EVL: variants seen among roughly 807,000 people sequenced by gnomAD.
The protein encoded by EVL is ena/VASP-like protein.
A neutral mutation model predicts 59.6 loss-of-function variants in EVL; 21 were observed. The ratio of observed to expected loss-of-function variants is 0.35; its 90% CI spans 0.25 to 0.51. The LOEUF (loss-of-function observed/expected upper bound fraction) is 0.51. Ranked by LOEUF, EVL falls within the 20% of genes least tolerant of loss-of-function variation. EVL has a pLI of 0.97. For missense variants in EVL, 462 were observed against 546.6 expected (o/e 0.85, Z 1.54); for synonymous variants, 198 against 203.5 (o/e 0.97, Z 0.23).
intron 1 of EVL, among the ~76,000 whole-genome samples, chr14:100,001,827 A>G (rs1258711703): frequency 6.6e-6 from 1 of 152,244 alleles, no homozygotes; most frequent in Non-Finnish European, 1.5e-5. Context: ...CTGTAAGTTA[A>G]GTTTGATTCC....
At chr14:99,979,258 C>T (rs1158920421) in intron 1 of EVL, among the ~76,000 whole-genome samples, 1 of 151,870 alleles carries the variant, frequency 6.6e-6, no homozygotes, top group Non-Finnish European at 1.5e-5. Context: ...CAAAAAAACC[C>T]ACCCACATAT....
chr14:100,006,148 A>G (rs1056954866), intron 1 of EVL, among the ~76,000 whole-genome samples: 1 of 152,144 alleles, frequency 6.6e-6, no homozygotes, highest in African/African-American at 2.4e-5. Context: ...ATGAAACCCA[A>G]TGGGAAAAAG....
intron 1 of EVL, among the ~76,000 whole-genome samples, chr14:100,030,046 G>A (rs2061285673): frequency 6.6e-6 from 1 of 151,828 alleles, no homozygotes; most frequent in East Asian, 1.9e-4. Flanking sequence ...TGTAAAATGG[G>A]ACTATTACCA....
At chr14:100,126,575 C>A in intron 4 of EVL, 132 bp from the exon 5 acceptor site, 2 of 869,274 alleles carry the variant, frequency 2.3e-6, no homozygotes, top group Non-Finnish European at 1.8e-6. Context: ...GCAGCCGTGG[C>A]ACACAGTGGC....
At chr14:100,097,736 C>G in intron 3 of EVL, 78 bp downstream of exon 3, 1 of 1,392,910 alleles carries the variant, frequency 7.2e-7, no homozygotes, top group Non-Finnish European at 9.8e-7. Flanking sequence ...TCTGGCTCTC[C>G]GGGTATCCTA....
intron 1 of EVL, among the ~76,000 whole-genome samples, chr14:100,049,167 T>C (rs2061605832): frequency 3.3e-5 from 5 of 152,248 alleles, no homozygotes; most frequent in African/African-American, 1.2e-4. Context: ...TTTATTTGAT[T>C]TGTAATTAAC....
Position 100,123,459 on chromosome 14 carries a change from GAGAT to G in EVL, c.359-76_359-73del, listed in dbSNP as rs1887826336. On this transcript the variant is annotated intron_variant, in intron 3 of 13. Coordinates refer to ENST00000392920, the MANE Select transcript of EVL (RefSeq NM_016337.3). ...CTCTTCTGCAGCCAGAAGGTGGGCAGAGATAGAGAGCACTCCAGTTGGGTTTGCT... is the reference window on the plus strand; with the variant it reads ...CTCTTCTGCAGCCAGAAGGTGGGCAGAGAGAGCACTCCAGTTGGGTTTGCT... 2.8e-6 allele frequency: 4 copies of G among 1,428,636 alleles called. No individual in the cohort carries two copies. The South Asian group carries it at 4.8e-5, about 17-fold the overall frequency. 88.5% of individuals were successfully genotyped at this position (1,428,636 alleles called of 1,614,324 possible). A position where few individuals can be genotyped will look rare whatever the true frequency, so the allele number is the denominator to read the frequency against.
Position 100,130,325 on chromosome 14 carries a change from G to T in EVL, c.839+641G>T, listed in dbSNP as rs1159138396. ...TGAAACCCGAGCAGATGGGGAGATCGTCCAGGTCTTTCTCAAAAGGGATGC... is the reference window on the plus strand; with the variant it reads ...TGAAACCCGAGCAGATGGGGAGATCTTCCAGGTCTTTCTCAAAAGGGATGC... On this transcript the variant is annotated intron_variant, in intron 7 of 13. Coordinates refer to ENST00000392920, the MANE Select transcript of EVL (RefSeq NM_016337.3). The surrounding 1 kb of genome is among the most constrained non-coding windows in gnomAD (Gnocchi z 4.8). Among the ~76,000 whole-genome samples, 2 of 152,222 alleles carry T rather than the reference G, an allele frequency of 1.3e-5. No individual in the cohort carries two copies. Among genetic ancestry groups the T allele is most frequent in the Non-Finnish European group, 2.9e-5 (2 of 68,042 alleles).
chr14:100,043,792 T>G (rs1326565107), intron 1 of EVL, among the ~76,000 whole-genome samples: 1 of 151,838 alleles, frequency 6.6e-6, no homozygotes, highest in Non-Finnish European at 1.5e-5. Context: ...TTTAAATTTT[T>G]TTGTAAAGAT....
At chr14:100,091,126 C>A (rs974181827) in intron 2 of EVL, among the ~76,000 whole-genome samples, 1 of 152,136 alleles carries the variant, frequency 6.6e-6, no homozygotes, top group African/African-American at 2.4e-5. Flanking sequence ...ATTAGAATGT[C>A]GGCGTGCTGC....
chr14:100,026,111 C>A (rs1353978741), intron 1 of EVL, among the ~76,000 whole-genome samples: 1 of 151,760 alleles, frequency 6.6e-6, no homozygotes, highest in Non-Finnish European at 1.5e-5. Context: ...ATTAGCCGGG[C>A]ATGGTGACAC....
intron 1 of EVL, among the ~76,000 whole-genome samples, chr14:99,992,847 T>A (rs1288524052): frequency 2.0e-5 from 3 of 152,194 alleles, no homozygotes; most frequent in Non-Finnish European, 4.4e-5. Context: ...CTGGCTTTTA[T>A]TATGTTGAGG....
intron 1 of EVL, among the ~76,000 whole-genome samples, chr14:100,020,902 G>A (rs1410216489): frequency 6.6e-6 from 1 of 152,152 alleles, no homozygotes; most frequent in Non-Finnish European, 1.5e-5. Flanking sequence ...TTTTTATGTG[G>A]CAGTGTGCTC....
At chr14:100,039,084 T>A (rs961143562) in intron 1 of EVL, among the ~76,000 whole-genome samples, 1 of 152,168 alleles carries the variant, frequency 6.6e-6, no homozygotes, top group African/African-American at 2.4e-5. Context: ...TAAGAACATT[T>A]GAGCTTTTCA....
intron 1 of EVL, among the ~76,000 whole-genome samples, chr14:100,046,429 G>A (rs181889763): frequency 2.2e-4 from 34 of 152,258 alleles, no homozygotes; most frequent in African/African-American, 7.9e-4. Context: ...CACTTTGGGA[G>A]GCCCAGGCGG....
At chr14:100,021,220 G>A (rs1342458284) in intron 1 of EVL, among the ~76,000 whole-genome samples, 4 of 152,178 alleles carry the variant, frequency 2.6e-5, no homozygotes, top group Non-Finnish European at 4.4e-5. Flanking sequence ...TAGGGAAGAG[G>A]GTTATGTATG....
chr14:99,988,576 C>T (rs567019354), intron 1 of EVL, among the ~76,000 whole-genome samples: 1 of 152,288 alleles, frequency 6.6e-6, no homozygotes, highest in South Asian at 2.1e-4. Context: ...ATCAGTTCCA[C>T]TCGTAGGCAG....
In EVL at chr14:100,143,844, C is replaced by A. The variant is rs1889362078; in HGVS notation, c.*106C>A. On this transcript the variant is annotated 3_prime_UTR_variant, in exon 14 of 14. Coordinates refer to ENST00000392920, the MANE Select transcript of EVL (RefSeq NM_016337.3). ...AGTGCACCAGAGCACGCACAGGAGC[C>A]TGGGCGCGCTGCTGTGAAACGTCCT... 2 of 1,363,136 alleles carry A rather than the reference C, an allele frequency of 1.5e-6. No individual in the cohort carries two copies. Among genetic ancestry groups the A allele is most frequent in the Non-Finnish European group, 2.0e-6 (2 of 985,858 alleles). 84.4% of individuals were successfully genotyped at this position (1,363,136 alleles called of 1,614,324 possible). A position where few individuals can be genotyped will look rare whatever the true frequency, so the allele number is the denominator to read the frequency against.
chr14:100,032,835 C>G (rs2061334881), intron 1 of EVL, among the ~76,000 whole-genome samples: 1 of 152,280 alleles, frequency 6.6e-6, no homozygotes, highest in Middle Eastern at 3.4e-3. Flanking sequence ...ATCTTATCCT[C>G]TTAACTAGAT....
Sources: gnomAD v4.1 joint callset for allele counts (sites outside exome capture counted in the v4.1 genomes callset) on GRCh38, gnomAD v4.1.1 for gene constraint, Gnocchi (gnomAD v3.1) non-coding constraint, MANE v1.5 for transcripts, NCBI Gene and HGNC (gene_info 2026-07-23, HGNC 2026-07-21) for gene names.